SAP30: variants seen among roughly 807,000 people sequenced by gnomAD.
SAP30 encodes Sin3A associated protein 30.
A neutral mutation model predicts 19.6 loss-of-function variants in SAP30; 13 were observed. That is an observed-to-expected ratio of 0.66 (90% CI 0.43 to 1.05). SAP30 has a LOEUF of 1.05. Among genes scored for constraint, SAP30 ranks in the 50% least tolerant of loss-of-function variants. The pLI is 0.00. For missense variants in SAP30, 257 were observed against 292.1 expected, an observed-to-expected ratio of 0.88 and a Z score of 0.88; for synonymous variants, 108 against 122.7, an observed-to-expected ratio of 0.88 and a Z score of 0.79.
chr4:173,376,269 A>C (rs747073808), intron 3 of SAP30, among the ~76,000 whole-genome samples: 14 of 152,234 alleles, frequency 9.2e-5, no homozygotes, highest in Non-Finnish European at 1.5e-4. Flanking sequence ...CACAATGAAA[A>C]AGCAAGGAAG....
At chr4:173,373,611 A>G in intron 2 of SAP30, 96 bp downstream of exon 2, 2 of 1,245,628 alleles carry the variant, frequency 1.6e-6, no homozygotes, top group Non-Finnish European at 2.2e-6. Flanking sequence ...TGTTTAAAAC[A>G]TTTGAGAAAT....
rs1361034309 is a variant in SAP30 at position 173,371,996 on chromosome 4, C to A, written c.315+499C>A. On this transcript the variant is annotated intron_variant, in intron 1 of 3. Coordinates refer to ENST00000296504, the MANE Select transcript of SAP30 (RefSeq NM_003864.4). This position sits in a 1 kb window ranked among gnomAD's most constrained non-coding sequence, Gnocchi z 6.4. ...TGTTCTTTTCTGTGTTCCGTCTCCT[C>A]CGGAGCGGAGTGAGAGGGAAGCCGA... is the stretch of plus-strand genomic sequence containing the variant. 2.0e-5 allele frequency among the ~76,000 whole-genome samples: 3 copies of A among 152,234 alleles called. No homozygotes were observed. The highest frequency in any genetic ancestry group is 2.9e-5 in the Non-Finnish European group (2 of 68,038).
At chr4:173,376,641 CAG>C (rs1560824094) in intron 3 of SAP30, among the ~76,000 whole-genome samples, 1 of 151,754 alleles carries the variant, frequency 6.6e-6, no homozygotes, top group Non-Finnish European at 1.5e-5. Context: ...TTTTTTGAGA[CAG>C]AGTCTTGCTC....
At chr4:173,372,114 G>A (rs1738951718) in intron 1 of SAP30, among the ~76,000 whole-genome samples, 3 of 152,374 alleles carry the variant, frequency 2.0e-5, no homozygotes, top group Middle Eastern at 3.4e-3. Flanking sequence ...GGAGCACGTA[G>A]CCTCTGCGGT....
rs1370879087 is a variant in SAP30, at chr4:173,371,220, G to T, written c.38G>T (p.Gly13Val). 16 of 1,474,524 alleles carry T rather than the reference G, an allele frequency of 1.1e-5. No homozygotes were observed. Among genetic ancestry groups the T allele is most frequent in the Non-Finnish European group, 1.4e-5 (16 of 1,119,450 alleles). The allele number at this position is 1,474,524 out of a possible 1,614,324, so 91.3% of individuals were successfully genotyped here. A position where few individuals can be genotyped will look rare whatever the true frequency, so the allele number is the denominator to read the frequency against. The change falls in exon 1 of 4, where the codon GGG becomes GTG. Residue 13 changes from glycine (G) to valine (V), a missense_variant. Transcript: ENST00000296504. This position sits in a 1 kb window ranked among gnomAD's most constrained non-coding sequence, Gnocchi z 6.4. ...GFTPDEMSRGGDAAAAVAAVV... is the reference protein window; with the variant it reads ...GFTPDEMSRGVDAAAAVAAVV... ...ACGCCTGACGAGATGAGCCGCGGCG[G>T]GGATGCGGCCGCCGCAGTGGCCGCA... is the stretch of plus-strand genomic sequence containing the variant.
rs1296871922 is a variant in SAP30 at position 173,371,511 on chromosome 4, G to A, written c.315+14G>A. 6 of 1,579,088 alleles carry A rather than the reference G, an allele frequency of 3.8e-6. No homozygotes were observed. The highest frequency in any genetic ancestry group is 4.3e-6 in the Non-Finnish European group (5 of 1,167,510). The stretch of plus-strand genomic sequence containing the variant: ...CTGGATAAGAGCGTAAGTAAACCGC[G>A]GGACCGCCCTGCCCTCCCGCCCCTC... On this transcript the variant is annotated intron_variant, in intron 1 of 3. Coordinates refer to ENST00000296504, the MANE Select transcript of SAP30 (RefSeq NM_003864.4). This position sits in a 1 kb window ranked among gnomAD's most constrained non-coding sequence, Gnocchi z 6.4.
At chr4:173,373,785 T>C (rs1738992036) in intron 2 of SAP30, among the ~76,000 whole-genome samples, 154 bp from the exon 3 acceptor site, 1 of 151,680 alleles carries the variant, frequency 6.6e-6, no homozygotes, top group Non-Finnish European at 1.5e-5. Flanking sequence ...AATTCTTTAA[T>C]AATTTATGTT....
chr4:173,375,609 C>T (rs1266342750), intron 3 of SAP30, among the ~76,000 whole-genome samples: 2 of 152,022 alleles, frequency 1.3e-5, no homozygotes, highest in African/African-American at 2.4e-5. Context: ...ATAAACTGAC[C>T]TTCTAAGAAC....
chr4:173,375,438 A>T (rs1366789778), intron 3 of SAP30, among the ~76,000 whole-genome samples: 1 of 152,200 alleles, frequency 6.6e-6, no homozygotes, highest in Admixed American at 6.5e-5. Context: ...GGGGTTGTAC[A>T]ATACATTAAT....
In SAP30 at chr4:173,377,319, G is replaced by A. The variant is rs747497859; in HGVS notation, c.655G>A (p.Val219Ile). The change falls in exon 4 of 4, where the codon GTT (valine) becomes ATT (isoleucine). Residue 219 changes from valine to isoleucine, a missense_variant. By Grantham distance (29) the Val-to-Ile change is conservative (BLOSUM62 3). Coordinates refer to ENST00000296504, the MANE Select transcript of SAP30 (RefSeq NM_003864.4). ...ATCAGATCTCAAGGTTGATAGTGGTGTTCACTAGGAGACGTGGAATTGAGA... is the reference window on the plus strand; with the variant it reads ...ATCAGATCTCAAGGTTGATAGTGGTATTCACTAGGAGACGTGGAATTGAGA... Reference protein sequence around the residue: ...NKSDLKVDSGVH With the variant: ...NKSDLKVDSGIH 1.4e-5 allele frequency: 23 copies of A among 1,601,358 alleles called. No individual in the cohort carries two copies.
intron 3 of SAP30, among the ~76,000 whole-genome samples, chr4:173,376,825 T>G (rs1383572495): frequency 6.6e-6 from 1 of 152,076 alleles, no homozygotes; most frequent in Non-Finnish European, 1.5e-5. Flanking sequence ...TTTCGTCATG[T>G]TGCTCAGGCT....
chr4:173,377,169 A>T (rs1739059413), intron 3 of SAP30, 36 bp from the exon 4 acceptor site: 2 of 1,501,720 alleles, frequency 1.3e-6, no homozygotes, highest in Non-Finnish European at 1.8e-6. Flanking sequence ...TGTTATATCT[A>T]AAATTTAATT....
At chr4:173,375,622 T>C (rs1023644620) in intron 3 of SAP30, among the ~76,000 whole-genome samples, 9 of 152,310 alleles carry the variant, frequency 5.9e-5, no homozygotes, top group Admixed American at 2.6e-4. Flanking sequence ...CTAAGAACAG[T>C]TATATTATTT....
intron 3 of SAP30, among the ~76,000 whole-genome samples, chr4:173,374,308 C>T (rs1436146690): frequency 6.6e-6 from 1 of 152,176 alleles, no homozygotes; most frequent in Non-Finnish European, 1.5e-5. Context: ...CAGAATCTCA[C>T]TCTGTCACCC....
chr4:173,375,038 A>ATATT (rs1315001565), intron 3 of SAP30, among the ~76,000 whole-genome samples: 7 of 149,026 alleles, frequency 4.7e-5, no homozygotes, highest in East Asian at 3.9e-4. Flanking sequence ...ATATATATAT[A>ATATT]TTTTAATCAT....
Position 173,371,229 on chromosome 4 carries a change from CCGCCGCAGTGGCCGCAGTGGT to C in SAP30, c.51_71del (p.Val19_Ala25del). On this transcript the variant is annotated inframe_deletion, in exon 1 of 4. Coordinates refer to ENST00000296504, the MANE Select transcript of SAP30 (RefSeq NM_003864.4). This position sits in a 1 kb window ranked among gnomAD's most constrained non-coding sequence, Gnocchi z 6.4. ...GAGATGAGCCGCGGCGGGGATGCGG[CCGCCGCAGTGGCCGCAGTGGT>C]CGCTGCCGCGGCCGCCGCCGCCTCG... is the stretch of plus-strand genomic sequence containing the variant. 3 of 1,459,056 alleles carry C rather than the reference CCGCCGCAGTGGCCGCAGTGGT, an allele frequency of 2.1e-6. No individual in the cohort carries two copies. The highest frequency in any genetic ancestry group is 1.8e-6 in the Non-Finnish European group (2 of 1,111,028). 90.4% of individuals were successfully genotyped at this position (1,459,056 alleles called of 1,614,324 possible).
chr4:173,373,825 G>T (rs766745162), intron 2 of SAP30, 114 bp from the exon 3 acceptor site: 22 of 367,746 alleles, frequency 6.0e-5, no homozygotes, highest in African/African-American at 2.8e-4. Flanking sequence ...AATTTTTTTT[G>T]ATTTTGGAAG....
Position 173,377,342 on chromosome 4 carries a change from A to C in SAP30, c.*15A>C, listed in dbSNP as rs776102328. 1.9e-6 allele frequency: 3 copies of C among 1,595,678 alleles called. No homozygotes were observed. The highest frequency in any genetic ancestry group is 2.6e-6 in the Non-Finnish European group (3 of 1,173,864). ...GTGTTCACTAGGAGACGTGGAATTG[A>C]GACTAATAACTTGGATGTTAACACT... On this transcript the variant is annotated 3_prime_UTR_variant, in exon 4 of 4. Coordinates refer to ENST00000296504, the MANE Select transcript of SAP30 (RefSeq NM_003864.4).
chr4:173,372,188 G>A (rs1738953945), intron 1 of SAP30, among the ~76,000 whole-genome samples: 1 of 152,216 alleles, frequency 6.6e-6, no homozygotes, highest in Non-Finnish European at 1.5e-5. Context: ...CATCTATGAG[G>A]TTTTTAGAAA....
Sources: gnomAD v4.1 joint callset for allele counts (sites outside exome capture counted in the v4.1 genomes callset) on GRCh38, gnomAD v4.1.1 for gene constraint, Gnocchi (gnomAD v3.1) non-coding constraint, MANE v1.5 for transcripts, NCBI Gene and HGNC (gene_info 2026-07-23, HGNC 2026-07-21) for gene names.